Variants in ZSCAN9 observed in about 807,000 individuals in gnomAD.
ZSCAN9 encodes zinc finger and SCAN domain-containing protein 9.
Under a neutral mutation model 23.0 loss-of-function variants are expected in ZSCAN9, and 19 were observed. The ratio of observed to expected loss-of-function variants is 0.83; its 90% confidence interval spans 0.58 to 1.21. ZSCAN9 has a LOEUF of 1.21. Ranked by LOEUF, ZSCAN9 falls within the 50% of genes most tolerant of loss-of-function variation. The pLI is 0.00. For synonymous variants in ZSCAN9, 155 were observed against 164.8 expected, an observed-to-expected ratio of 0.94 and a Z score of 0.46; for missense variants, 467 against 471.5, an observed-to-expected ratio of 0.99 and a Z score of 0.09.
At chr6:28,230,538 A>G in intron 3 of ZSCAN9, 2 of 1,511,594 alleles carry the variant, frequency 1.3e-6, no homozygotes, top group East Asian at 2.5e-5. Flanking sequence ...TGGGAGAAAG[A>G]GGCAAATATT....
Position 28,227,203 on chromosome 6 carries a change from T to G in ZSCAN9, c.119T>G (p.Leu40Arg). 1 of 1,614,186 alleles carries G rather than the reference T, an allele frequency of 6.2e-7. No homozygotes were observed. Among genetic ancestry groups the G allele is most frequent in the Non-Finnish European group, 8.5e-7 (1 of 1,180,024 alleles). ...KSHLQWQESR[L>R]KRSNPLAREI... ...CACCTTCAATGGCAGGAATCCAGAC[T>G]GAAACGCAGTAATCCACTGGCAAGG... The change falls in exon 2 of 4, where the codon CTG becomes CGG. Residue 40 changes from leucine (L) to arginine (R), a missense_variant. Coordinates refer to ENST00000252207, the MANE Select transcript of ZSCAN9 (RefSeq NM_006299.5).
Position 28,232,619 on chromosome 6 carries a change from T to C in ZSCAN9, c.626T>C (p.Ile209Thr), listed in dbSNP as rs755435504. ...ELVLRKDCPK[I>T]VEPHGKMFNE... is the part of the protein sequence containing the mutation. ...GTGCTAAGGAAAGACTGTCCTAAGA[T>C]AGTGGAACCACATGGGAAAATGTTT... is the stretch of plus-strand genomic sequence containing the variant. The change falls in exon 4 of 4, where the codon ATA becomes ACA. Residue 209 changes from isoleucine (I) to threonine (T), a missense_variant. Transcript: ENST00000252207. 25 of 1,614,094 alleles carry C rather than the reference T, an allele frequency of 1.5e-5. No individual in the cohort carries two copies. The highest frequency in any genetic ancestry group is 1.9e-5 in the Non-Finnish European group (23 of 1,180,046).
Position 28,227,443 on chromosome 6 carries a change from G to C in ZSCAN9, c.359G>C (p.Gly120Ala), listed in dbSNP as rs761050462. 6.2e-7 allele frequency: 1 copy of C among 1,613,652 alleles called. No homozygotes were observed. The highest frequency in any genetic ancestry group is 1.7e-5 in the Admixed American group (1 of 59,924). Residue 120 changes from glycine to alanine, a missense_variant, in exon 2 of 4, where the codon GGA becomes GCA. Physicochemically the swap from Gly to Ala is moderately conservative, Grantham distance 60 (BLOSUM62 0). Transcript: ENST00000252207. Reference sequence around the variant, plus strand: ...GTGAGGGAACACTGTCCAGAGAGTGGAGAAGAGGCTGTGATTTTGCTGGAG... The same window carrying C: ...GTGAGGGAACACTGTCCAGAGAGTGCAGAAGAGGCTGTGATTTTGCTGGAG... Reference protein sequence around the residue: ...GWVREHCPESGEEAVILLEDL... With the variant: ...GWVREHCPESAEEAVILLEDL...
intron 3 of ZSCAN9, 66 bp downstream of exon 3, chr6:28,227,903 C>G (rs1470271503): frequency 1.3e-6 from 2 of 1,581,856 alleles, no homozygotes; most frequent in African/African-American, 2.7e-5. Flanking sequence ...AAACAATAAA[C>G]CCAGAGCTGG....
chr6:28,226,910 T>A (rs1760128724), intron 1 of ZSCAN9, 102 bp from the exon 2 acceptor site: 1 of 545,010 alleles, frequency 1.8e-6, no homozygotes, highest in African/African-American at 1.9e-5. Context: ...AAATCACTTT[T>A]CAGAGAAGAG....
Position 28,227,148 on chromosome 6 carries a change from C to T in ZSCAN9, c.64C>T (p.Leu22Phe), listed in dbSNP as rs1326861648. The T allele has an allele frequency of 6.2e-7, 1 of 1,614,200 alleles. No individual in the cohort carries two copies. The change falls in exon 2 of 4, where the codon CTT (leucine) becomes TTT (phenylalanine). Residue 22 changes from leucine (L) to phenylalanine (F), a missense_variant. Physicochemically the swap from Leu to Phe is conservative, Grantham distance 22. Transcript: ENST00000252207. Reference protein sequence around the residue: ...GVQVPEAWEELLTMKVEAKSH... With the variant: ...GVQVPEAWEEFLTMKVEAKSH... ...TCAAGTTCCCGAGGCATGGGAAGAA[C>T]TTCTGACAATGAAAGTGGAAGCAAA... is the stretch of plus-strand genomic sequence containing the variant.
chr6:28,231,147 T>C (rs968153458), intron 3 of ZSCAN9, among the ~76,000 whole-genome samples: 1 of 152,190 alleles, frequency 6.6e-6, no homozygotes, highest in Non-Finnish European at 1.5e-5. Context: ...AAATTAGGCA[T>C]AGTAAGAGAT....
At position 28,227,507 on chromosome 6, in the gene ZSCAN9, A is replaced by C. The variant is rs779127796; in HGVS notation, c.420+3A>C. The C allele has an allele frequency of 6.3e-7, 1 of 1,580,932 alleles. No individual in the cohort carries two copies. Among genetic ancestry groups the C allele is most frequent in the South Asian group, 1.2e-5 (1 of 85,546 alleles). ...AGCTCGATGAACCACAACATGAGGT[A>C]GGAAGGGAGATTTGCTAGAGAAAAA... On this transcript the variant is annotated splice_donor_region_variant and intron_variant, in intron 2 of 3. Transcript: ENST00000252207.
intron 3 of ZSCAN9, among the ~76,000 whole-genome samples, chr6:28,231,468 T>G (rs111745957): frequency 0.024 from 3,711 of 152,246 alleles, 85 homozygotes; most frequent in African/African-American, 0.067. Flanking sequence ...TTGTTTGTGC[T>G]GGGCGTGGTG....
At chr6:28,232,080 G>A (rs568838798) in intron 3 of ZSCAN9, among the ~76,000 whole-genome samples, 35 of 152,176 alleles carry the variant, frequency 2.3e-4, no homozygotes, top group Non-Finnish European at 4.3e-4. Context: ...ACCTGTAATC[G>A]CAGCATTTTG....
intron 3 of ZSCAN9, among the ~76,000 whole-genome samples, chr6:28,232,192 G>A (rs1410250209): frequency 3.3e-5 from 5 of 152,108 alleles, no homozygotes; most frequent in Admixed American, 1.3e-4. Flanking sequence ...TTAGTTGGGC[G>A]TGGGGGTGCG....
intron 3 of ZSCAN9, among the ~76,000 whole-genome samples, chr6:28,231,177 T>C (rs1760292007): frequency 1.3e-5 from 2 of 152,132 alleles, no homozygotes; most frequent in Non-Finnish European, 2.9e-5. Flanking sequence ...TAACTAATAA[T>C]AAAATGGAAC....
rs1760347816 is a variant in ZSCAN9, at chr6:28,232,650, G to A, written c.657G>A (p.Glu219=). 1.2e-6 allele frequency: 2 copies of A among 1,614,188 alleles called. No homozygotes were observed. The highest frequency in any genetic ancestry group is 1.7e-6 in the Non-Finnish European group (2 of 1,180,032). Residue 219 remains glutamate, a synonymous_variant, in exon 4 of 4, where the codon GAG becomes GAA. Transcript: ENST00000252207. The part of the protein sequence containing the change: ...IVEPHGKMFN[E]QTWEVSQQDP... ...AACCACATGGGAAAATGTTTAATGA[G>A]CAGACCTGGGAGGTATCACAGCAGG...
Position 28,227,451 on chromosome 6 carries a change from G to C in ZSCAN9, c.367G>C (p.Ala123Pro), listed in dbSNP as rs775257074. The change falls in exon 2 of 4, where the codon GCT becomes CCT. Residue 123 changes from alanine to proline, a missense_variant. Coordinates refer to ENST00000252207, the MANE Select transcript of ZSCAN9 (RefSeq NM_006299.5). ...REHCPESGEE[A>P]VILLEDLERE... is the part of the protein sequence containing the mutation. ...ACACTGTCCAGAGAGTGGAGAAGAG[G>C]CTGTGATTTTGCTGGAGGATCTGGA... 6.2e-7 allele frequency: 1 copy of C among 1,613,008 alleles called. No individual in the cohort carries two copies. The highest frequency in any genetic ancestry group is 8.5e-7 in the Non-Finnish European group (1 of 1,179,456).
At chr6:28,232,505 C>A in intron 3 of ZSCAN9, 57 bp from the exon 4 acceptor site, 1 of 1,548,474 alleles carries the variant, frequency 6.5e-7, no homozygotes, top group Non-Finnish European at 8.7e-7. Context: ...GACATAGTCA[C>A]CTTCCCATAG....
chr6:28,229,435 T>C (rs117581491), intron 3 of ZSCAN9, among the ~76,000 whole-genome samples: 2 of 152,304 alleles, frequency 1.3e-5, no homozygotes, highest in East Asian at 1.9e-4. Flanking sequence ...CCTATCCACT[T>C]ATCTATCCAT....
Position 28,233,046 on chromosome 6 carries a change from A to T in ZSCAN9, c.1053A>T (p.Ser351=). ...GCAGTAAGAGCTACAGTCGGCGTTC[A>T]TTTCTCATTGAACATCAGAGAAGCC... is the stretch of plus-strand genomic sequence containing the variant. ...SQCSKSYSRR[S]FLIEHQRSHT... The change falls in exon 4 of 4, where the codon TCA becomes TCT. Residue 351 remains serine, a synonymous_variant. Transcript: ENST00000252207. The T allele has an allele frequency of 6.2e-7, 1 of 1,614,168 alleles. No homozygotes were observed. Among genetic ancestry groups the T allele is most frequent in the Non-Finnish European group, 8.5e-7 (1 of 1,180,012 alleles).
intron 3 of ZSCAN9, among the ~76,000 whole-genome samples, chr6:28,230,821 A>G (rs1034178574): frequency 2.8e-4 from 43 of 152,192 alleles, no homozygotes; most frequent in African/African-American, 8.9e-4. Context: ...ACAGATTGTG[A>G]TATTAAATAG....
chr6:28,228,356 T>C (rs776289870), intron 3 of ZSCAN9: 1 of 357,614 alleles, frequency 2.8e-6, no homozygotes, highest in Non-Finnish European at 5.1e-6. Flanking sequence ...ACCATCAGGT[T>C]TGGTTTCTGG....
Sources: allele counts gnomAD v4.1 joint callset (sites outside exome capture counted in the v4.1 genomes callset), GRCh38; gene constraint gnomAD v4.1.1; transcripts MANE v1.5; gene names NCBI Gene and HGNC (gene_info 2026-07-23, HGNC 2026-07-21).